ADARB2: variants seen among roughly 807,000 people sequenced by gnomAD.
ADARB2 encodes inactive double-stranded RNA-specific editase B2.
In ADARB2, 25 loss-of-function variants were observed where a neutral mutation model predicts 62.2. The observed-to-expected ratio is 0.40, with a 90% CI of 0.29 to 0.56. ADARB2 has a LOEUF of 0.56. Among genes scored for constraint, ADARB2 ranks in the 20% least tolerant of loss-of-function variants. The pLI is 0.43. For synonymous variants in ADARB2, 572 were observed against 500.8 expected, an observed-to-expected ratio of 1.14 and a Z score of -1.90; for missense variants, 1,071 against 1,077.4, an observed-to-expected ratio of 0.99 and a Z score of 0.08.
At chr10:1,428,825 A>G (rs1357738098) in intron 1 of ADARB2, among the ~76,000 whole-genome samples, 7 of 151,386 alleles carry the variant, frequency 4.6e-5, no homozygotes, top group African/African-American at 1.7e-4. Flanking sequence ...ATGCACTTAC[A>G]CACACACACA....
At chr10:1,540,506 GCCGC>G (rs2131967781) in intron 1 of ADARB2, among the ~76,000 whole-genome samples, 1 of 112,644 alleles carries the variant, frequency 8.9e-6, no homozygotes, top group East Asian at 2.2e-4. Context: ...CTGGATCACA[GCCGC>G]CCAGACCCCA....
At chr10:1,650,407 T>TA (rs1834095150) in intron 1 of ADARB2, among the ~76,000 whole-genome samples, 1 of 152,118 alleles carries the variant, frequency 6.6e-6, no homozygotes, top group Non-Finnish European at 1.5e-5. Context: ...ACAAGCTAAG[T>TA]ACTCGAGGGG....
In ADARB2 at chr10:1,532,140, G is replaced by C. The variant is rs577316173; in HGVS notation, c.101-152980C>G. Among the ~76,000 whole-genome samples, 159 of 152,216 alleles carry C rather than the reference G, an allele frequency of 1.0e-3. 1 individual carries two copies. Among genetic ancestry groups the C allele is most frequent in the African/African-American group, 3.7e-3 (153 of 41,520 alleles). On this transcript the variant is annotated intron_variant, in intron 1 of 9. Coordinates refer to ENST00000381312, the MANE Select transcript of ADARB2 (RefSeq NM_018702.4). ...TGCCTGCAGGTGTTTTCCTGTATCA[G>C]CCCGCACCATTCCCTGAAGACAGAC... is the stretch of plus-strand genomic sequence containing the variant.
At position 1,233,731 on chromosome 10, in the gene ADARB2, G is replaced by T. The variant is rs563819822; in HGVS notation, c.1476C>A (p.Asp492Glu). 6.2e-7 allele frequency: 1 copy of T among 1,613,480 alleles called. No individual in the cohort carries two copies. Among genetic ancestry groups the T allele is most frequent in the African/African-American group, 1.3e-5 (1 of 74,780 alleles). Residue 492 changes from aspartate to glutamate, a missense_variant, in exon 6 of 10, where the codon GAC becomes GAA. Asp to Glu is a conservative substitution (Grantham distance 45, BLOSUM62 2). Coordinates refer to ENST00000381312, the MANE Select transcript of ADARB2 (RefSeq NM_018702.4). ...HLYVSTSPCG[D>E]ARLHSPYEIT... ...TCTCGTAGGGAGAGTGGAGTCTTGC[G>T]TCTCCACAGGGGGAGGTGCTCACGT...
At chr10:1,261,980 A>G (rs931290166) in intron 4 of ADARB2, among the ~76,000 whole-genome samples, 1 of 148,540 alleles carries the variant, frequency 6.7e-6, no homozygotes. Flanking sequence ...TGATGAGTTC[A>G]TGTCCTTTGT....
chr10:1,432,416 C>G (rs2249266), intron 1 of ADARB2, among the ~76,000 whole-genome samples: 64,150 of 151,446 alleles, frequency 0.42, 15,605 homozygotes, highest in East Asian at 0.68. Flanking sequence ...AGGAAGCTCA[C>G]GCCCCTAATT....
chr10:1,339,454 T>C (rs1487706327), intron 3 of ADARB2, among the ~76,000 whole-genome samples: 1 of 152,226 alleles, frequency 6.6e-6, no homozygotes, highest in Non-Finnish European at 1.5e-5. Flanking sequence ...GGAGACAAAC[T>C]CTGGCTGTAT....
intron 1 of ADARB2, among the ~76,000 whole-genome samples, chr10:1,671,248 A>G (rs534997159): frequency 1.4e-4 from 21 of 152,266 alleles, no homozygotes; most frequent in Non-Finnish European, 2.2e-4. Flanking sequence ...TTGGGCCCCC[A>G]GAGGTCTGTG....
chr10:1,328,911 G>A (rs1343641724), intron 3 of ADARB2, among the ~76,000 whole-genome samples: 1 of 146,020 alleles, frequency 6.8e-6, no homozygotes, highest in African/African-American at 2.5e-5. Context: ...AGAATCACCT[G>A]AACACAGGTG....
chr10:1,518,270 C>CT (rs953066045), intron 1 of ADARB2, among the ~76,000 whole-genome samples: 56 of 152,342 alleles, frequency 3.7e-4, no homozygotes, highest in African/African-American at 1.3e-3. Context: ...CTGATCCACT[C>CT]TACCACGTTC....
At chr10:1,723,179 T>A (rs1172386569) in intron 1 of ADARB2, among the ~76,000 whole-genome samples, 1 of 152,254 alleles carries the variant, frequency 6.6e-6, no homozygotes, top group African/African-American at 2.4e-5. Context: ...CGGCCACTGC[T>A]AACACACTGT....
intron 4 of ADARB2, among the ~76,000 whole-genome samples, chr10:1,260,194 C>T (rs1196392419): frequency 6.6e-6 from 1 of 152,158 alleles, no homozygotes; most frequent in Non-Finnish European, 1.5e-5. Flanking sequence ...CAGCCAATAT[C>T]ATACTGAATG....
At position 1,714,674 on chromosome 10, in the gene ADARB2, C is replaced by T. The variant is rs534477494; in HGVS notation, c.100+22377G>A. 3.9e-5 allele frequency among the ~76,000 whole-genome samples: 6 copies of T among 152,280 alleles called. No homozygotes were observed. The South Asian group carries it at 1.2e-3, about 32-fold the overall frequency. On this transcript the variant is annotated intron_variant, in intron 1 of 9. Coordinates refer to ENST00000381312, the MANE Select transcript of ADARB2 (RefSeq NM_018702.4). ...CCCACAGAAGGCAGGAAGATCAATA[C>T]CTGCCTTTGCAGACCTGACACATCC...
At chr10:1,447,007 A>C (rs1164966480) in intron 1 of ADARB2, among the ~76,000 whole-genome samples, 1 of 152,226 alleles carries the variant, frequency 6.6e-6, no homozygotes, top group Admixed American at 6.5e-5. Flanking sequence ...AAAATTGATT[A>C]TTTAATCACT....
chr10:1,185,316 TC>T (rs1046174735), intron 8 of ADARB2, among the ~76,000 whole-genome samples: 6 of 151,380 alleles, frequency 4.0e-5, no homozygotes, highest in Admixed American at 6.6e-5. Context: ...CCGTCCAGAT[TC>T]CCCCCCCTTC....
intron 1 of ADARB2, among the ~76,000 whole-genome samples, chr10:1,558,585 CT>C: frequency 7.5e-6 from 1 of 132,566 alleles, no homozygotes; most frequent in African/African-American, 2.8e-5. Flanking sequence ...CCTCTGTCCC[CT>C]TCTGTGGGTG....
chr10:1,377,587 A>G (rs1215726334), intron 2 of ADARB2, among the ~76,000 whole-genome samples: 2 of 151,972 alleles, frequency 1.3e-5, no homozygotes, highest in African/African-American at 2.4e-5. Context: ...TCTATCCCAG[A>G]TTTCAGAAGT....
intron 1 of ADARB2, among the ~76,000 whole-genome samples, chr10:1,478,328 C>G (rs781360572): frequency 5.9e-5 from 9 of 152,196 alleles, no homozygotes; most frequent in Non-Finnish European, 8.8e-5. Flanking sequence ...GGCGTTGGCA[C>G]ACGGCATGGA....
chr10:1,328,731 C>T (rs1831900216), intron 3 of ADARB2, among the ~76,000 whole-genome samples: 1 of 152,122 alleles, frequency 6.6e-6, no homozygotes, highest in African/African-American at 2.4e-5. Context: ...TGGCTCATAT[C>T]TGTAACCCCA....
Sources: allele counts gnomAD v4.1 joint callset (sites outside exome capture counted in the v4.1 genomes callset), GRCh38; gene constraint gnomAD v4.1.1; transcripts MANE v1.5; gene names NCBI Gene and HGNC (gene_info 2026-07-23, HGNC 2026-07-21).